Variants in WDPCP observed in about 807,000 individuals in gnomAD.
The protein encoded by WDPCP is WD repeat containing planar cell polarity effector.
A neutral mutation model predicts 93.1 loss-of-function variants in WDPCP; 71 were observed. The ratio of observed to expected loss-of-function variants is 0.76; its 90% CI spans 0.63 to 0.93. The LOEUF (loss-of-function observed/expected upper bound fraction) is 0.93. WDPCP is among the 40% of genes least tolerant of loss of function. WDPCP has a pLI of 0.00. For missense variants in WDPCP, 844 were observed against 887.4 expected, an observed-to-expected ratio of 0.95 and a Z score of 0.62; for synonymous variants, 315 against 315.0, an observed-to-expected ratio of 1.00 and a Z score of 0.00.
chr2:63,211,904 A>G (rs1676848641), intron 14 of WDPCP, among the ~76,000 whole-genome samples: 1 of 152,182 alleles, frequency 6.6e-6, no homozygotes, highest in South Asian at 2.1e-4. Context: ...TGGAGCGAGA[A>G]GAGAAGTTCA....
At chr2:63,200,568 C>A (rs1675824301) in intron 14 of WDPCP, among the ~76,000 whole-genome samples, 1 of 152,056 alleles carries the variant, frequency 6.6e-6, no homozygotes, top group South Asian at 2.1e-4. Flanking sequence ...ATGAAATAAG[C>A]CAGGCACAGA....
intron 3 of WDPCP, among the ~76,000 whole-genome samples, chr2:63,645,732 A>G (rs1221727637): frequency 1.3e-5 from 2 of 152,204 alleles, no homozygotes; most frequent in Non-Finnish European, 2.9e-5. Flanking sequence ...CTCTTGCTGA[A>G]TTAACTCCTT....
chr2:63,120,569 C>T lies in WDPCP; in HGVS notation c.*1437G>A, dbSNP rs554511618. ...TGCAACGGAGTCTTACTTTGTCACC[C>T]AGGCTGGAGCGTAATGGTGCGACCT... On this transcript the variant is annotated 3_prime_UTR_variant, in exon 18 of 18. Coordinates refer to ENST00000272321, the MANE Select transcript of WDPCP (RefSeq NM_015910.7). Among the ~76,000 whole-genome samples the T allele has an allele frequency of 4.9e-4, 71 of 145,984 alleles. No individual in the cohort carries two copies. The highest frequency in any genetic ancestry group is 1.6e-3 in the African/African-American group (62 of 39,474).
chr2:63,422,881 A>G (rs1006188168), intron 9 of WDPCP, among the ~76,000 whole-genome samples: 2 of 152,246 alleles, frequency 1.3e-5, no homozygotes, highest in African/African-American at 4.8e-5. Context: ...TTACAGAAAA[A>G]GAAAGGATGG....
intron 14 of WDPCP, among the ~76,000 whole-genome samples, chr2:63,213,541 C>T (rs1302502681): frequency 2.6e-5 from 4 of 152,088 alleles, no homozygotes; most frequent in Non-Finnish European, 4.4e-5. Context: ...AAAATTGACA[C>T]CCTAACATCA....
chr2:63,263,129 C>T (rs536641581), intron 13 of WDPCP, among the ~76,000 whole-genome samples: 2 of 152,202 alleles, frequency 1.3e-5, no homozygotes, highest in East Asian at 1.9e-4. Flanking sequence ...GTTAATTAAG[C>T]TTTAGGATCT....
chr2:63,381,700 G>C (rs763720120), intron 11 of WDPCP, among the ~76,000 whole-genome samples: 9 of 152,144 alleles, frequency 5.9e-5, no homozygotes, highest in Admixed American at 2.0e-4. Flanking sequence ...CAGAAAAGCT[G>C]TTCTTTATGT....
intron 14 of WDPCP, among the ~76,000 whole-genome samples, chr2:63,250,205 A>C (rs1370904630): frequency 6.6e-6 from 1 of 152,166 alleles, no homozygotes; most frequent in Non-Finnish European, 1.5e-5. Flanking sequence ...ATTACAGTCC[A>C]TCTTTTAACC....
intron 12 of WDPCP, among the ~76,000 whole-genome samples, chr2:63,346,682 T>C (rs1295362836): frequency 6.6e-6 from 1 of 152,178 alleles, no homozygotes; most frequent in African/African-American, 2.4e-5. Flanking sequence ...AAGGTGACTC[T>C]TATGTAGATT....
chr2:63,486,305 T>A (rs1292347031), intron 4 of WDPCP, among the ~76,000 whole-genome samples: 1 of 151,918 alleles, frequency 6.6e-6, no homozygotes, highest in African/African-American at 2.4e-5. Context: ...ATATAGTTCA[T>A]TATGAAATTT....
intron 15 of WDPCP, among the ~76,000 whole-genome samples, chr2:63,164,477 C>A (rs187049507): frequency 1.3e-5 from 2 of 152,040 alleles, no homozygotes; most frequent in Non-Finnish European, 2.9e-5. Flanking sequence ...GCACCTCCCC[C>A]CAAACCCCTC....
intron 14 of WDPCP, among the ~76,000 whole-genome samples, chr2:63,247,997 T>C (rs1680422970): frequency 6.6e-6 from 1 of 152,136 alleles, no homozygotes; most frequent in Non-Finnish European, 1.5e-5. Flanking sequence ...CTAATTTAAA[T>C]TGATATCAAG....
chr2:63,390,509 C>G (rs910995608), intron 10 of WDPCP, among the ~76,000 whole-genome samples: 3 of 152,084 alleles, frequency 2.0e-5, no homozygotes, highest in African/African-American at 7.2e-5. Context: ...CAAGAGCAAA[C>G]ACATTCAAAA....
rs79847217 is a variant in WDPCP, at chr2:63,337,188, G to A, written c.1749-23877C>T. Among the ~76,000 whole-genome samples the A allele has an allele frequency of 9.7e-3, 1,475 of 152,130 alleles. 23 individuals carry two copies. Among genetic ancestry groups the A allele is most frequent in the East Asian group, 0.047 (242 of 5,160 alleles). On this transcript the variant is annotated intron_variant, in intron 12 of 17. Coordinates refer to ENST00000272321, the MANE Select transcript of WDPCP (RefSeq NM_015910.7). ...ATTACAGGCGTGAGCCACTGCGCAC[G>A]GCCCATGAGAGTCACTTTTTAAGAT...
chr2:63,653,024 T>TA (rs11424056), intron 2 of WDPCP, among the ~76,000 whole-genome samples: 122,392 of 152,100 alleles, frequency 0.8, 49,906 homozygotes, highest in East Asian at 0.98. Context: ...GAGAAAGGAA[T>TA]AAATAAGATG....
At chr2:63,329,364 T>C (rs114225599) in intron 12 of WDPCP, among the ~76,000 whole-genome samples, 1,893 of 152,284 alleles carry the variant, frequency 0.012, 50 homozygotes, top group African/African-American at 0.044. Context: ...CTTTATTTTA[T>C]AAGGCAAAAT....
intron 2 of WDPCP, among the ~76,000 whole-genome samples, chr2:63,798,531 T>G (rs1432478235): frequency 6.6e-6 from 1 of 152,118 alleles, no homozygotes; most frequent in African/African-American, 2.4e-5. Context: ...GATAGTATTT[T>G]CAGGCCTCAT....
intron 1 of WDPCP, among the ~76,000 whole-genome samples, chr2:63,569,169 C>T (rs1707294689): frequency 6.6e-6 from 1 of 152,092 alleles, no homozygotes; most frequent in Non-Finnish European, 1.5e-5. Flanking sequence ...AAGAAACAAG[C>T]TGCAGAAAAA....
At position 63,706,324 on chromosome 2, in the gene WDPCP, T is replaced by C. The variant is rs1669151885; in HGVS notation, n.309-55486A>G. On this transcript the variant is annotated intron_variant and non_coding_transcript_variant, in intron 2 of 4. Coordinates refer to the WDPCP transcript ENST00000467687. ...AAGGTTAGTATTGTTATGTGTGAAT[T>C]TGATCCTGTCATTATGATGTTAGCT... 2.0e-5 allele frequency among the ~76,000 whole-genome samples: 3 copies of C among 152,336 alleles called. No homozygotes were observed. The East Asian group carries it at 5.8e-4, about 29-fold the overall frequency.
Sources: allele counts gnomAD v4.1 joint callset (sites outside exome capture counted in the v4.1 genomes callset), GRCh38; gene constraint gnomAD v4.1.1; transcripts MANE v1.5; gene names NCBI Gene and HGNC (gene_info 2026-07-23, HGNC 2026-07-21).